Variants in RPL28 observed in about 807,000 individuals in gnomAD.
RPL28 encodes the protein large ribosomal subunit protein eL28.
A neutral mutation model predicts 12.5 loss-of-function variants in RPL28; 4 were observed. That is an observed-to-expected ratio of 0.32 (90% CI 0.16 to 0.73). The LOEUF (loss-of-function observed/expected upper bound fraction) is 0.73. Among genes scored for constraint, RPL28 ranks in the 30% least tolerant of loss-of-function variants. RPL28 has a pLI of 0.66. For missense variants in RPL28, 214 were observed against 197.7 expected (o/e 1.08, Z -0.49); for synonymous variants, 91 against 72.5 (o/e 1.26, Z -1.30).
At chr19:55,402,663 C>A (rs1466712314) in intron 4 of RPL28, among the ~76,000 whole-genome samples, 1 of 152,250 alleles carries the variant, frequency 6.6e-6, no homozygotes, top group Non-Finnish European at 1.5e-5. Flanking sequence ...TGCACCCAAA[C>A]TGCAGGTCTG....
chr19:55,393,634 T>TG (rs542515507), downstream of RPL28, among the ~76,000 whole-genome samples: 521 of 145,576 alleles, frequency 3.6e-3, 5 homozygotes, highest in Middle Eastern at 6.9e-3. Context: ...CCAATTTGTT[T>TG]TTTTTTTTTT....
chr19:55,395,465 A>G (rs2090015292), downstream of RPL28, among the ~76,000 whole-genome samples: 3 of 131,624 alleles, frequency 2.3e-5, no homozygotes, highest in Admixed American at 8.3e-5. Flanking sequence ...TTTTTGAGAC[A>G]GAGTCTCTTG....
chr19:55,392,111 G>A, downstream of RPL28: 1 of 992,104 alleles, frequency 1.0e-6, no homozygotes, highest in African/African-American at 1.7e-5. Flanking sequence ...TATGCATGTG[G>A]TCTTGAAAAA....
downstream of RPL28, among the ~76,000 whole-genome samples, chr19:55,393,318 TG>T (rs2090003647): frequency 8.0e-6 from 1 of 125,126 alleles, no homozygotes; most frequent in Non-Finnish European, 1.6e-5. Context: ...GCCCGGGATC[TG>T]GCCCTGTCCA....
Position 55,401,729 on chromosome 19 carries a change from C to T in RPL28, c.325-1214C>T, listed in dbSNP as rs370428278. On this transcript the variant is annotated intron_variant, in intron 4 of 4. Coordinates refer to the RPL28 transcript ENST00000560055. ...CCCGCCTCCTCGTTGAGTGCAGACT[C>T]GGGGTTAGGGTGGATCAGCAGGCAC... 67 of 1,613,232 alleles carry T rather than the reference C, an allele frequency of 4.2e-5. No individual in the cohort carries two copies. The highest frequency in any genetic ancestry group is 8.0e-5 in the African/African-American group (6 of 74,924).
At chr19:55,401,867 C>A in intron 4 of RPL28, 1 of 1,241,178 alleles carries the variant, frequency 8.1e-7, no homozygotes, top group Non-Finnish European at 1.1e-6. Context: ...CTGCTCCCAA[C>A]TCAGCTGCAG....
At chr19:55,386,960 G>T in intron 3 of RPL28, 3 of 1,452,576 alleles carry the variant, frequency 2.1e-6, no homozygotes, top group Non-Finnish European at 2.7e-6. Flanking sequence ...TAAGGCACGG[G>T]GTTGATGTTT....
At chr19:55,399,631 C>G (rs1186104654) in intron 4 of RPL28, 1 of 152,124 alleles carries the variant, frequency 6.6e-6, no homozygotes, top group Non-Finnish European at 1.5e-5. Context: ...TTTCTAGTGA[C>G]CAACCCCCTT....
chr19:55,399,220 G>T (rs893841315), intron 4 of RPL28, among the ~76,000 whole-genome samples: 1 of 152,156 alleles, frequency 6.6e-6, no homozygotes, highest in African/African-American at 2.4e-5. Context: ...AGGCTGGAGT[G>T]CAGTGGCAGG....
chr19:55,393,794 G>T (rs1000907355), downstream of RPL28, among the ~76,000 whole-genome samples: 10 of 151,834 alleles, frequency 6.6e-5, no homozygotes, highest in Non-Finnish European at 1.2e-4. Flanking sequence ...GATTACAGGG[G>T]CCCGCCACCA....
At chr19:55,400,052 A>C (rs1312285851) in intron 4 of RPL28, 2 of 152,170 alleles carry the variant, frequency 1.3e-5, no homozygotes, top group Non-Finnish European at 2.9e-5. Flanking sequence ...GGGCTCAAGG[A>C]AGGGTCAGAC....
chr19:55,390,554 T>A lies in RPL28; in HGVS notation c.*2222T>A. ...TCCTTAACCACCTCCTTGCCTGCCC[T>A]GGAGGCTTGTGCCTCTAGGCCCCAC... On this transcript the variant is annotated 3_prime_UTR_variant, in exon 5 of 5. Transcript: ENST00000344063. 1 of 985,622 alleles carries A rather than the reference T, an allele frequency of 1.0e-6. No individual in the cohort carries two copies. Among genetic ancestry groups the A allele is most frequent in the Non-Finnish European group, 1.2e-6 (1 of 830,068 alleles). 61.1% of individuals were successfully genotyped at this position (985,622 alleles called of 1,614,324 possible).
downstream of RPL28, among the ~76,000 whole-genome samples, chr19:55,392,337 T>A (rs148635383): frequency 6.6e-6 from 1 of 152,038 alleles, no homozygotes; most frequent in African/African-American, 2.4e-5. Context: ...GCACTCTCAA[T>A]TGTCCCGCCT....
intron 4 of RPL28, among the ~76,000 whole-genome samples, chr19:55,398,564 A>C (rs980624994): frequency 6.6e-6 from 1 of 152,208 alleles, no homozygotes; most frequent in African/African-American, 2.4e-5. Context: ...AATGATGTTG[A>C]GTACCTTTAC....
At chr19:55,387,332 GT>G in intron 3 of RPL28, 1 of 1,551,690 alleles carries the variant, frequency 6.4e-7, no homozygotes, top group African/African-American at 1.4e-5. Flanking sequence ...AGAGCCAAGG[GT>G]CCTTTTACTC....
chr19:55,387,063 C>T, intron 3 of RPL28: 1 of 1,428,384 alleles, frequency 7.0e-7, no homozygotes, highest in South Asian at 1.5e-5. Context: ...GGGGCCCTCG[C>T]TACCACACTT....
intron 4 of RPL28, among the ~76,000 whole-genome samples, chr19:55,398,933 G>A (rs1156683179): frequency 1.3e-5 from 2 of 152,064 alleles, no homozygotes; most frequent in African/African-American, 2.4e-5. Context: ...AACTCCCAAC[G>A]TGAAGTGGTC....
chr19:55,389,809 C>T lies in RPL28; in HGVS notation c.*1477C>T, dbSNP rs1466350813. On this transcript the variant is annotated 3_prime_UTR_variant, in exon 5 of 5. Coordinates refer to ENST00000344063, the MANE Select transcript of RPL28 (RefSeq NM_000991.5). The stretch of plus-strand genomic sequence containing the variant: ...ACTGAGTTGGGTGACTTGGTACCTG[C>T]TCAGGACCCCCCGCACTGTCCCAAT... 1 of 984,676 alleles carries T rather than the reference C, an allele frequency of 1.0e-6. No individual in the cohort carries two copies. The allele number at this position is 984,676 out of a possible 1,614,324, so 61.0% of individuals were successfully genotyped here. A position where few individuals can be genotyped will look rare whatever the true frequency, so the allele number is the denominator to read the frequency against.
intron 4 of RPL28, chr19:55,401,164 G>T (rs1569047684): frequency 3.9e-6 from 2 of 518,358 alleles, no homozygotes; most frequent in East Asian, 3.4e-5. Flanking sequence ...GAGCTAGATG[G>T]ACCCACTGCT....
Sources: gnomAD v4.1 joint callset for allele counts (sites outside exome capture counted in the v4.1 genomes callset) on GRCh38, gnomAD v4.1.1 for gene constraint, MANE v1.5 for transcripts, NCBI Gene and HGNC (gene_info 2026-07-23, HGNC 2026-07-21) for gene names.